The following PHKB variants were observed in gnomAD, a reference collection of about 807,000 sequenced individuals.
PHKB encodes the protein phosphorylase kinase regulatory subunit beta, also known as phosphorylase b kinase regulatory subunit beta.
Under a neutral mutation model 152.1 loss-of-function variants are expected in PHKB, and 122 were observed. The ratio of observed to expected loss-of-function variants is 0.80; its 90% CI spans 0.69 to 0.93. The LOEUF is 0.93. Among genes scored for constraint, PHKB ranks in the 40% least tolerant of loss-of-function variants. The pLI, the probability that PHKB is intolerant of heterozygous loss-of-function variation, is 0.00. For missense variants in PHKB, 1,304 were observed against 1,328.4 expected (o/e 0.98, Z 0.29); for synonymous variants, 436 against 464.9 (o/e 0.94, Z 0.80).
intron 7 of PHKB, among the ~76,000 whole-genome samples, chr16:47,568,759 A>G (rs1971609631): frequency 6.6e-6 from 1 of 152,158 alleles, no homozygotes; most frequent in African/African-American, 2.4e-5. Context: ...TTAAAATTTC[A>G]TCTTGATTAT....
intron 7 of PHKB, among the ~76,000 whole-genome samples, chr16:47,574,980 G>A (rs1971726156): frequency 1.3e-5 from 2 of 152,148 alleles, no homozygotes; most frequent in Non-Finnish European, 1.5e-5. Context: ...CATGGTGAGA[G>A]CAGACATTTT....
intron 6 of PHKB, among the ~76,000 whole-genome samples, chr16:47,527,207 A>C (rs909791083): frequency 6.6e-6 from 1 of 152,204 alleles, no homozygotes; most frequent in African/African-American, 2.4e-5. Flanking sequence ...ACTATATCAC[A>C]TGCAGATAGT....
chr16:47,508,540 TA>T (rs900528686), intron 4 of PHKB, among the ~76,000 whole-genome samples: 2 of 152,168 alleles, frequency 1.3e-5, no homozygotes, highest in Non-Finnish European at 2.9e-5. Flanking sequence ...TTTTTTTCTC[TA>T]AATGAATGTT....
intron 27 of PHKB, among the ~76,000 whole-genome samples, chr16:47,690,296 G>A: frequency 6.6e-6 from 1 of 152,096 alleles, no homozygotes; most frequent in South Asian, 2.1e-4. Flanking sequence ...ATGTAAAAAT[G>A]AAATAATAGA....
Position 47,549,767 on chromosome 16 carries a change from C to A in PHKB, c.710+2219C>A, listed in dbSNP as rs558307340. On this transcript the variant is annotated intron_variant, in intron 7 of 30. Transcript: ENST00000323584. ...CCTTAAATAAAAGTTACTACTGACCCTAGAAAGTGAGGATGTCAGAAGGTC... is the reference window on the plus strand; with the variant it reads ...CCTTAAATAAAAGTTACTACTGACCATAGAAAGTGAGGATGTCAGAAGGTC... 8.4e-4 allele frequency among the ~76,000 whole-genome samples: 128 copies of A among 152,198 alleles called. 1 individual carries two copies. Among genetic ancestry groups the A allele is most frequent in the African/African-American group, 2.9e-3 (122 of 41,520 alleles).
chr16:47,497,924 C>T (rs562936396), intron 2 of PHKB, among the ~76,000 whole-genome samples: 1 of 152,122 alleles, frequency 6.6e-6, no homozygotes, highest in East Asian at 1.9e-4. Context: ...AATATCAGGG[C>T]GCTTGTGTTT....
At chr16:47,552,504 T>G (rs1971289968) in intron 7 of PHKB, among the ~76,000 whole-genome samples, 1 of 152,128 alleles carries the variant, frequency 6.6e-6, no homozygotes, top group Non-Finnish European at 1.5e-5. Flanking sequence ...AAATTCTGGG[T>G]TTAAAATTCT....
intron 7 of PHKB, among the ~76,000 whole-genome samples, chr16:47,553,630 T>G (rs558949303): frequency 6.6e-6 from 1 of 152,174 alleles, no homozygotes; most frequent in Non-Finnish European, 1.5e-5. Flanking sequence ...TTTTTGGAAG[T>G]TTCAGCGTTT....
chr16:47,678,413 A>G (rs1000883703), intron 26 of PHKB, among the ~76,000 whole-genome samples: 1 of 152,130 alleles, frequency 6.6e-6, no homozygotes, highest in African/African-American at 2.4e-5. Flanking sequence ...CTCTTTCTCC[A>G]CATCCTCTCC....
Position 47,593,571 on chromosome 16 carries a change from T to G in PHKB, c.1126+14T>G, listed in dbSNP as rs28691569. The G allele has an allele frequency of 8.0e-4, 1,132 of 1,410,192 alleles. 9 individuals carry two copies. In the African/African-American group the frequency reaches 0.014, roughly 17 times the overall value. The allele number at this position is 1,410,192 out of a possible 1,614,324, so 87.4% of individuals were successfully genotyped here. On this transcript the variant is annotated intron_variant, in intron 11 of 30. Coordinates refer to ENST00000323584, the MANE Select transcript of PHKB (RefSeq NM_000293.3). ...TGATGATTGATGGTAAGTAAGCTTT[T>G]TCCTGAAATTTAAGCAAGCTTTTTC...
chr16:47,608,243 A>G (rs1444186790), intron 13 of PHKB, among the ~76,000 whole-genome samples: 1 of 152,120 alleles, frequency 6.6e-6, no homozygotes, highest in East Asian at 1.9e-4. Flanking sequence ...ATGATGCCAT[A>G]GTTTTGTCTA....
intron 7 of PHKB, among the ~76,000 whole-genome samples, chr16:47,556,926 G>A (rs1843210002): frequency 6.6e-6 from 1 of 152,120 alleles, no homozygotes; most frequent in Admixed American, 6.6e-5. Context: ...GCAAGCTATT[G>A]ATTATTGCCA....
rs759396417 is a variant in PHKB at position 47,463,988 on chromosome 16, G to C, written c.76+2562G>C. ...GTCTCTCCGTCTTCCGCTTTCTTAAGGTCTGGTAAGTGTTGTAGACCCCAA... is the reference window on the plus strand; with the variant it reads ...GTCTCTCCGTCTTCCGCTTTCTTAACGTCTGGTAAGTGTTGTAGACCCCAA... On this transcript the variant is annotated intron_variant, in intron 1 of 30. Transcript: ENST00000323584. The C allele has an allele frequency of 6.8e-6, 11 of 1,608,290 alleles. No individual in the cohort carries two copies. The highest frequency in any genetic ancestry group is 9.4e-6 in the Non-Finnish European group (11 of 1,174,832).
At chr16:47,529,653 A>T (rs768530832) in intron 6 of PHKB, 3 of 152,164 alleles carry the variant, frequency 2.0e-5, no homozygotes, top group Non-Finnish European at 4.4e-5. Context: ...CCTAAAAAAC[A>T]TACATATTTT....
chr16:47,675,064 C>G (rs1973703112), intron 26 of PHKB, among the ~76,000 whole-genome samples: 3 of 152,218 alleles, frequency 2.0e-5, no homozygotes, highest in African/African-American at 7.2e-5. Flanking sequence ...GGCCCATTTT[C>G]TAGGTGCTTG....
intron 22 of PHKB, 152 bp downstream of exon 22, chr16:47,660,971 G>T: frequency 1.3e-6 from 1 of 784,702 alleles, no homozygotes; most frequent in Non-Finnish European, 2.2e-6. Context: ...ATCATGAGAA[G>T]TTGTTCTCTT....
At position 47,642,370 on chromosome 16, in the gene PHKB, C is replaced by T. The variant is rs191762147; in HGVS notation, c.1608+678C>T. 2.2e-4 allele frequency among the ~76,000 whole-genome samples: 33 copies of T among 152,278 alleles called. 1 individual carries two copies. The highest frequency in any genetic ancestry group is 1.4e-3 in the Admixed American group (21 of 15,304). Reference sequence around the variant, plus strand: ...AAGGTGACATTTGAGGCCTTTTGCACGCACTGCTCTGCAGATGGATCCATT... The same window carrying T: ...AAGGTGACATTTGAGGCCTTTTGCATGCACTGCTCTGCAGATGGATCCATT... On this transcript the variant is annotated intron_variant, in intron 16 of 30. Transcript: ENST00000323584.
At chr16:47,631,190 G>A (rs1364973184) in intron 14 of PHKB, among the ~76,000 whole-genome samples, 1 of 152,100 alleles carries the variant, frequency 6.6e-6, no homozygotes. Flanking sequence ...GCTATAGCAA[G>A]CAGCACATAA....
At chr16:47,630,835 C>T (rs1235496770) in intron 14 of PHKB, among the ~76,000 whole-genome samples, 4 of 152,198 alleles carry the variant, frequency 2.6e-5, no homozygotes, top group African/African-American at 9.6e-5. Flanking sequence ...AAGAACAAGG[C>T]TGACCCCCGC....
Sources: allele counts gnomAD v4.1 joint callset (sites outside exome capture counted in the v4.1 genomes callset), GRCh38; gene constraint gnomAD v4.1.1; transcripts MANE v1.5; gene names NCBI Gene and HGNC (gene_info 2026-07-23, HGNC 2026-07-21).